The following TOM1L1 variants were observed in gnomAD, a reference collection of about 807,000 sequenced individuals.
TOM1L1 encodes the protein target of myb1 like 1 membrane trafficking protein.
In TOM1L1, 64 loss-of-function variants were observed where a neutral mutation model predicts 63.4. The ratio of observed to expected loss-of-function variants is 1.01; its 90% CI spans 0.83 to 1.24. The LOEUF is 1.24. Ranked by LOEUF, TOM1L1 falls within the 50% of genes most tolerant of loss-of-function variation. TOM1L1 has a pLI of 0.00. For synonymous variants in TOM1L1, 166 were observed against 194.4 expected (o/e 0.85, Z 1.22); for missense variants, 536 against 567.0 (o/e 0.95, Z 0.55).
At chr17:54,958,675 A>G (rs1003235539) in intron 14 of TOM1L1, among the ~76,000 whole-genome samples, 1 of 143,960 alleles carries the variant, frequency 6.9e-6, no homozygotes, top group Non-Finnish European at 1.5e-5. Flanking sequence ...GGCTGCAGTG[A>G]GCTGAGATCC....
At position 54,914,688 on chromosome 17, in the gene TOM1L1, CTCTT is replaced by C; in HGVS notation, c.553_556del (p.Ser185LeufsTer2). ...CCAACATCTGTCCCTACTGCACCAG[CTCTT>C]TCTTCTGTAATTGCTCCAAAGAACT... On this transcript the variant is annotated frameshift_variant, in exon 6 of 16. Coordinates refer to ENST00000575882, the MANE Select transcript of TOM1L1 (RefSeq NM_005486.3). LOFTEE classifies it high-confidence loss of function. 1 of 1,614,014 alleles carries C rather than the reference CTCTT, an allele frequency of 6.2e-7. No homozygotes were observed. Among genetic ancestry groups the C allele is most frequent in the Non-Finnish European group, 8.5e-7 (1 of 1,179,912 alleles).
intron 7 of TOM1L1, among the ~76,000 whole-genome samples, chr17:54,924,628 C>T (rs760879428): frequency 5.9e-5 from 9 of 152,174 alleles, no homozygotes; most frequent in Non-Finnish European, 2.9e-5. Flanking sequence ...CAGTGTCTGA[C>T]GCTTTTCTTG....
chr17:54,961,569 A>C lies in TOM1L1; in HGVS notation c.*336A>C. ...ATTTAGAAATCGTCACACAGCTGTGATAAGAGTAGATTATTTTACTATGAA... is the reference window on the plus strand; with the variant it reads ...ATTTAGAAATCGTCACACAGCTGTGCTAAGAGTAGATTATTTTACTATGAA... On this transcript the variant is annotated 3_prime_UTR_variant, in exon 16 of 16. Transcript: ENST00000575882. 7.6e-7 allele frequency: 1 copy of C among 1,314,686 alleles called. No homozygotes were observed. Among genetic ancestry groups the C allele is most frequent in the Non-Finnish European group, 9.7e-7 (1 of 1,032,060 alleles). 81.4% of individuals were successfully genotyped at this position (1,314,686 alleles called of 1,614,324 possible).
chr17:54,921,524 G>C (rs1042248647), intron 7 of TOM1L1, among the ~76,000 whole-genome samples: 2 of 152,104 alleles, frequency 1.3e-5, no homozygotes, highest in Non-Finnish European at 2.9e-5. Context: ...TGGATCACTT[G>C]AGGTCAGGAG....
chr17:54,961,212 C>A, intron 15 of TOM1L1, 23 bp from the exon 16 acceptor site: 3 of 1,424,102 alleles, frequency 2.1e-6, no homozygotes, highest in Non-Finnish European at 1.9e-6. Context: ...TGAATACTGG[C>A]CATTTTCTTC....
At chr17:54,931,881 G>C (rs540747107) in intron 8 of TOM1L1, among the ~76,000 whole-genome samples, 2 of 152,166 alleles carry the variant, frequency 1.3e-5, no homozygotes, top group East Asian at 3.9e-4. Context: ...TGTCAGAGAA[G>C]GGCATCGACT....
At chr17:54,902,020 A>G (rs907411479) in intron 1 of TOM1L1, among the ~76,000 whole-genome samples, 1 of 152,106 alleles carries the variant, frequency 6.6e-6, no homozygotes, top group Non-Finnish European at 1.5e-5. Context: ...ACATGGACTA[A>G]CTGTCAGCTA....
chr17:54,905,695 A>T, intron 3 of TOM1L1, 128 bp downstream of exon 3: 1 of 603,526 alleles, frequency 1.7e-6, no homozygotes, highest in Middle Eastern at 4.4e-4. Context: ...AGTTGTGTAC[A>T]GTATGACTTA....
At chr17:54,906,047 GTA>G (rs979250309) in intron 3 of TOM1L1, among the ~76,000 whole-genome samples, 1 of 152,106 alleles carries the variant, frequency 6.6e-6, no homozygotes, top group Non-Finnish European at 1.5e-5. Flanking sequence ...GCCTGCATCT[GTA>G]GTCCCAGCCA....
intron 15 of TOM1L1, 25 bp downstream of exon 15, chr17:54,960,652 T>C (rs1395475541): frequency 6.6e-7 from 1 of 1,520,728 alleles, no homozygotes; most frequent in Non-Finnish European, 9.1e-7. Flanking sequence ...TTATACAACT[T>C]AATTCCATAT....
In TOM1L1 at chr17:54,930,219, T is replaced by G. The variant is rs770293498; in HGVS notation, c.854+13T>G. On this transcript the variant is annotated intron_variant, in intron 8 of 15. Transcript: ENST00000575882. ...TTGGATATGAGAGGTGAGCAGATCATGTACCCTCTTTACCCCTCTTCCATT... is the reference window on the plus strand; with the variant it reads ...TTGGATATGAGAGGTGAGCAGATCAGGTACCCTCTTTACCCCTCTTCCATT... The G allele has an allele frequency of 1.2e-5, 20 of 1,613,866 alleles. No homozygotes were observed. In the African/African-American group the frequency reaches 2.7e-4, roughly 22 times the overall value.
At chr17:54,944,661 A>G (rs1261259321) in intron 11 of TOM1L1, among the ~76,000 whole-genome samples, 1 of 152,180 alleles carries the variant, frequency 6.6e-6, no homozygotes, top group African/African-American at 2.4e-5. Context: ...GAAGGATATT[A>G]TCAGTGACTA....
chr17:54,915,645 C>A, intron 6 of TOM1L1, 101 bp from the exon 7 acceptor site: 1 of 733,046 alleles, frequency 1.4e-6, no homozygotes, highest in Non-Finnish European at 2.1e-6. Flanking sequence ...TTAAATTTTG[C>A]AAAAGCATTT....
intron 14 of TOM1L1, 43 bp from the exon 15 acceptor site, chr17:54,960,523 G>A (rs1325115509): frequency 6.5e-7 from 1 of 1,546,978 alleles, no homozygotes; most frequent in Non-Finnish European, 8.9e-7. Flanking sequence ...ATAGCACTTT[G>A]AAATTGATAC....
intron 11 of TOM1L1, chr17:54,942,535 G>C (rs1370397095): frequency 1.3e-5 from 2 of 152,150 alleles, no homozygotes; most frequent in African/African-American, 4.8e-5. Context: ...AGGAAACCAA[G>C]GCTGAGGAAG....
intron 11 of TOM1L1, among the ~76,000 whole-genome samples, chr17:54,944,761 T>G (rs750645810): frequency 3.3e-5 from 5 of 152,236 alleles, no homozygotes; most frequent in Non-Finnish European, 7.3e-5. Flanking sequence ...GTGAAAAATC[T>G]ACATTCATCG....
At chr17:54,923,231 C>G (rs536612578) in intron 7 of TOM1L1, among the ~76,000 whole-genome samples, 1 of 152,248 alleles carries the variant, frequency 6.6e-6, no homozygotes, top group South Asian at 2.1e-4. Context: ...CCTGTGTTCA[C>G]TTCTTTTGAG....
At chr17:54,943,441 G>GGGGTGT (rs1555611737) in intron 11 of TOM1L1, among the ~76,000 whole-genome samples, 3 of 134,354 alleles carry the variant, frequency 2.2e-5, no homozygotes, top group Admixed American at 7.6e-5. Flanking sequence ...TTTGTATAAT[G>GGGGTGT]GTGTGTGTGT....
intron 1 of TOM1L1, 151 bp downstream of exon 1, chr17:54,901,074 C>T (rs940385447): frequency 2.1e-5 from 21 of 1,002,514 alleles, no homozygotes; most frequent in Non-Finnish European, 2.4e-5. Context: ...CACCCGCATT[C>T]CACCCGGCCC....
Sources: gnomAD v4.1 joint callset for allele counts (sites outside exome capture counted in the v4.1 genomes callset) on GRCh38, gnomAD v4.1.1 for gene constraint, MANE v1.5 for transcripts, NCBI Gene and HGNC (gene_info 2026-07-23, HGNC 2026-07-21) for gene names.